The following CUBN variants were observed in gnomAD, a reference collection of about 807,000 sequenced individuals.
CUBN encodes 460 kDa receptor.
Under a neutral mutation model 405.3 loss-of-function variants are expected in CUBN, and 282 were observed. The ratio of observed to expected loss-of-function variants is 0.70; its 90% CI spans 0.63 to 0.77. The LOEUF (loss-of-function observed/expected upper bound fraction) is 0.77. CUBN is among the 30% of genes least tolerant of loss of function. The pLI is 0.00. For missense variants in CUBN, 4,514 were observed against 4,475.2 expected (o/e 1.01, Z -0.25); for synonymous variants, 1,684 against 1,617.0 (o/e 1.04, Z -0.99).
chr10:17,122,573 A>G (rs1392050599), intron 6 of CUBN: 2 of 593,912 alleles, frequency 3.4e-6, no homozygotes, highest in East Asian at 7.6e-5. Flanking sequence ...TGGGGATGTT[A>G]GAGCAAGGAT....
At chr10:17,072,532 C>T (rs1331748733) in intron 17 of CUBN, among the ~76,000 whole-genome samples, 2 of 152,070 alleles carry the variant, frequency 1.3e-5, no homozygotes, top group Non-Finnish European at 2.9e-5. Context: ...GCCTAGGCAA[C>T]ACAGTGAGAC....
Position 16,876,877 on chromosome 10 carries a change from C to G in CUBN, c.9106+20G>C, listed in dbSNP as rs1054370928. Reference sequence around the variant, plus strand: ...TCAGAAAAGAAGAAAATTCCAAACTCTGTCATTATGGCTACTCACAGATTA... The same window carrying G: ...TCAGAAAAGAAGAAAATTCCAAACTGTGTCATTATGGCTACTCACAGATTA... On this transcript the variant is annotated intron_variant, in intron 57 of 66. Coordinates refer to ENST00000377833, the MANE Select transcript of CUBN (RefSeq NM_001081.4). 2 of 1,606,386 alleles carry G rather than the reference C, an allele frequency of 1.2e-6. No individual in the cohort carries two copies. Among genetic ancestry groups the G allele is most frequent in the African/African-American group, 2.7e-5 (2 of 74,704 alleles).
At chr10:16,886,118 T>C (rs183954446) in intron 56 of CUBN, among the ~76,000 whole-genome samples, 80 of 152,334 alleles carry the variant, frequency 5.3e-4, no homozygotes, top group Non-Finnish European at 1.0e-3. Flanking sequence ...GCTGAAAAGA[T>C]GACACTTTAC....
chr10:16,887,504 A>G (rs1840854442), intron 56 of CUBN, among the ~76,000 whole-genome samples: 1 of 152,236 alleles, frequency 6.6e-6, no homozygotes, highest in Non-Finnish European at 1.5e-5. Flanking sequence ...TTCATTTCTG[A>G]AGAACCAATT....
intron 10 of CUBN, 78 bp downstream of exon 10, chr10:17,109,562 T>C (rs1224439031): frequency 8.5e-7 from 1 of 1,173,364 alleles, no homozygotes; most frequent in Non-Finnish European, 1.3e-6. Context: ...GAACAGAGGA[T>C]TTTGTGTTTA....
intron 13 of CUBN, among the ~76,000 whole-genome samples, chr10:17,101,524 T>C (rs968629439): frequency 6.6e-5 from 10 of 152,198 alleles, no homozygotes; most frequent in African/African-American, 1.7e-4. Context: ...TTTTGACCCT[T>C]GTACAATGCC....
At chr10:16,934,551 A>T (rs1271935748) in intron 39 of CUBN, among the ~76,000 whole-genome samples, 4 of 152,156 alleles carry the variant, frequency 2.6e-5, no homozygotes, top group Admixed American at 1.3e-4. Flanking sequence ...CCTCTATGTG[A>T]AATATTTCTT....
chr10:16,999,938 G>T (rs1205628967), intron 28 of CUBN, among the ~76,000 whole-genome samples: 1 of 152,158 alleles, frequency 6.6e-6, no homozygotes, highest in Non-Finnish European at 1.5e-5. Flanking sequence ...ATGGACACAG[G>T]TGGGCAGCAC....
chr10:17,032,130 G>C (rs1834800536), intron 27 of CUBN, among the ~76,000 whole-genome samples: 1 of 152,186 alleles, frequency 6.6e-6, no homozygotes, highest in Non-Finnish European at 1.5e-5. Context: ...GATGGCATTT[G>C]CAAGAGATGG....
In CUBN at chr10:16,829,020, C is replaced by T. The variant is rs751061281; in HGVS notation, c.10549G>A (p.Gly3517Arg). The T allele has an allele frequency of 4.3e-6, 7 of 1,613,980 alleles. No individual in the cohort carries two copies. Among genetic ancestry groups the T allele is most frequent in the Non-Finnish European group, 5.1e-6 (6 of 1,179,940 alleles). ...SPSGCGGTLY[G>R]DRGSFTSPGY... ...GGGCTGGTGAATGAGCCTCTGTCTC[C>T]ATAAAGAGTTCCACCACATCCTGCA... The change falls in exon 66 of 67, where the codon GGA becomes AGA. Residue 3517 changes from glycine (G) to arginine (R), a missense_variant. This residue lies in a region of CUBN where 1,186 missense variants were observed against 1,186.9 expected (regional missense o/e 1.00). Coordinates refer to ENST00000377833, the MANE Select transcript of CUBN (RefSeq NM_001081.4).
Position 16,918,640 on chromosome 10 carries a change from T to C in CUBN, c.6982A>G (p.Lys2328Glu), listed in dbSNP as rs1841954215. 1 of 1,613,564 alleles carries C rather than the reference T, an allele frequency of 6.2e-7. No individual in the cohort carries two copies. The highest frequency in any genetic ancestry group is 1.3e-5 in the African/African-American group (1 of 74,914). ...SDNSPTHVGF[K>E]AKYSIAQCGG... ...TTATTACCTATAGAATACTTGGCCT[T>C]GAATCCCACATGTGTGGGGCTGTTG... is the stretch of plus-strand genomic sequence containing the variant. Residue 2328 changes from lysine (K) to glutamate (E), a missense_variant, in exon 45 of 67, where the codon AAG becomes GAG. Lys to Glu is a moderately conservative substitution (Grantham distance 56, BLOSUM62 1). This residue lies in a region of CUBN where 1,613 missense variants were observed against 1,542.8 expected (regional missense o/e 1.05). Coordinates refer to ENST00000377833, the MANE Select transcript of CUBN (RefSeq NM_001081.4).
intron 62 of CUBN, among the ~76,000 whole-genome samples, chr10:16,837,533 T>A (rs1839208833): frequency 6.6e-6 from 1 of 152,194 alleles, no homozygotes; most frequent in African/African-American, 2.4e-5. Flanking sequence ...CTGAACCCTT[T>A]AGAGGTTTCT....
chr10:16,962,643 T>C (rs1220780673), intron 31 of CUBN, among the ~76,000 whole-genome samples: 2 of 152,208 alleles, frequency 1.3e-5, no homozygotes, highest in African/African-American at 2.4e-5. Flanking sequence ...GCCCTCTTGC[T>C]AGCACTTTCT....
intron 9 of CUBN, among the ~76,000 whole-genome samples, chr10:17,110,273 A>G (rs990738014): frequency 6.6e-6 from 1 of 152,240 alleles, no homozygotes; most frequent in Non-Finnish European, 1.5e-5. Flanking sequence ...GGTATATGCA[A>G]AACAACTCAG....
intron 54 of CUBN, among the ~76,000 whole-genome samples, chr10:16,898,114 A>G (rs1444934399): frequency 1.3e-5 from 2 of 150,450 alleles, no homozygotes; most frequent in African/African-American, 4.9e-5. Context: ...ATTTTCATTT[A>G]AACAGTAAGC....
intron 14 of CUBN, among the ~76,000 whole-genome samples, chr10:17,093,452 T>C (rs1221340243): frequency 6.6e-6 from 1 of 152,144 alleles, no homozygotes; most frequent in Non-Finnish European, 1.5e-5. Flanking sequence ...AAGATTCATA[T>C]TCTAGGAAAT....
intron 59 of CUBN, among the ~76,000 whole-genome samples, chr10:16,858,045 A>T (rs1174669838): frequency 6.6e-6 from 1 of 152,178 alleles, no homozygotes; most frequent in Non-Finnish European, 1.5e-5. Context: ...AAATTAAAAA[A>T]CAATACCATT....
chr10:16,840,600 G>C (rs745928476), intron 61 of CUBN, 65 bp from the exon 62 acceptor site: 3 of 1,352,610 alleles, frequency 2.2e-6, no homozygotes, highest in Non-Finnish European at 3.1e-6. Flanking sequence ...GGCAATCTTT[G>C]CAATTCTGTC....
chr10:16,830,167 C>T (rs868572199), intron 65 of CUBN, among the ~76,000 whole-genome samples: 1 of 152,156 alleles, frequency 6.6e-6, no homozygotes, highest in Non-Finnish European at 1.5e-5. Context: ...AACTCCTGAC[C>T]TCAGGTGATC....
Sources: allele counts gnomAD v4.1 joint callset (sites outside exome capture counted in the v4.1 genomes callset), GRCh38; gene constraint gnomAD v4.1.1; regional missense constraint gnomAD v4.1.1; transcripts MANE v1.5; gene names NCBI Gene and HGNC (gene_info 2026-07-23, HGNC 2026-07-21).